Variants in MAGED1 observed in about 807,000 individuals in gnomAD.
The protein encoded by MAGED1 is melanoma-associated antigen D1.
Under a neutral mutation model 54.1 loss-of-function variants are expected in MAGED1, and 3 were observed. The ratio of observed to expected loss-of-function variants is 0.06; its 90% CI spans 0.03 to 0.14. The LOEUF is 0.14. Among genes scored for constraint, MAGED1 ranks in the 10% least tolerant of loss-of-function variants. The probability of loss-of-function intolerance (pLI) is 1.00; values close to 1 mark genes in which losing one functional copy is unlikely to be tolerated. For synonymous variants in MAGED1, 217 were observed against 227.3 expected (o/e 0.95, Z 0.41); for missense variants, 485 against 623.4 (o/e 0.78, Z 2.36).
intron 1 of MAGED1, among the ~76,000 whole-genome samples, chrX:51,860,226 C>A (rs1169360360): frequency 9.0e-6 from 1 of 111,258 alleles, no homozygotes; most frequent in Admixed American, 9.5e-5. Flanking sequence ...GATCACGCCA[C>A]TGCACTCCAG....
At position 51,862,322 on chromosome X, in the gene MAGED1, G is replaced by T. The variant is rs1557360756; in HGVS notation, c.-36-31947G>T. Reference sequence around the variant, plus strand: ...CTGTTTTTCCAGTGCCTAAAATAGTGCCTGATACATGATAGACATTTATTT... The same window carrying T: ...CTGTTTTTCCAGTGCCTAAAATAGTTCCTGATACATGATAGACATTTATTT... On this transcript the variant is annotated intron_variant, in intron 1 of 12. Coordinates refer to the MAGED1 transcript ENST00000375772. Among the ~76,000 whole-genome samples, 3 of 110,764 alleles carry T rather than the reference G, an allele frequency of 2.7e-5. No individual in the cohort carries two copies. The East Asian group carries it at 8.5e-4, about 31-fold the overall frequency.
intron 1 of MAGED1, among the ~76,000 whole-genome samples, chrX:51,855,854 C>T (rs1490477606): frequency 8.9e-6 from 1 of 111,761 alleles, no homozygotes; most frequent in Non-Finnish European, 1.9e-5. Context: ...GGACACCAGG[C>T]ATGTTGGATT....
intron 1 of MAGED1, among the ~76,000 whole-genome samples, chrX:51,805,328 G>C (rs184464693): frequency 2.3e-4 from 26 of 111,373 alleles, no homozygotes; most frequent in African/African-American, 7.8e-4. Flanking sequence ...TCTAAGGTCA[G>C]TATTATCATT....
intron 1 of MAGED1, among the ~76,000 whole-genome samples, chrX:51,812,168 A>G (rs1925241836): frequency 9.1e-6 from 1 of 109,706 alleles, no homozygotes; most frequent in South Asian, 3.9e-4. Flanking sequence ...AACTTAAAGT[A>G]TAATAATAAA....
At chrX:51,838,321 G>C (rs1926328434) in intron 1 of MAGED1, among the ~76,000 whole-genome samples, 1 of 112,564 alleles carries the variant, frequency 8.9e-6, no homozygotes, top group Non-Finnish European at 1.9e-5. Context: ...TTCTGGAGAA[G>C]TTTAAGAAAC....
At chrX:51,816,636 ACT>A (rs1462094126) in intron 1 of MAGED1, among the ~76,000 whole-genome samples, 15 of 110,670 alleles carry the variant, frequency 1.4e-4, no homozygotes, top group Admixed American at 1.3e-3. Flanking sequence ...GTGTAAGTAC[ACT>A]CTGTGATATT....
chrX:51,836,876 G>A (rs1341394550), intron 1 of MAGED1, among the ~76,000 whole-genome samples: 1 of 111,544 alleles, frequency 9.0e-6, no homozygotes, highest in Non-Finnish European at 1.9e-5. Flanking sequence ...GCCTGGCAAT[G>A]TATACGCTGT....
Position 51,896,365 on chromosome X carries a change from C to T in MAGED1, c.754-44C>T, listed in dbSNP as rs781914076. 8 of 1,103,775 alleles carry T rather than the reference C, an allele frequency of 7.2e-6. No individual in the cohort carries two copies. In the Admixed American group the frequency reaches 1.6e-4, roughly 22 times the overall value. 91.0% of individuals were successfully genotyped at this position (1,103,775 alleles called of 1,213,427 possible). A position where few individuals can be genotyped will look rare whatever the true frequency, so the allele number is the denominator to read the frequency against. On this transcript the variant is annotated intron_variant, in intron 3 of 12. Coordinates refer to ENST00000326587, the MANE Select transcript of MAGED1 (RefSeq NM_006986.4). ...ATTCCTGGAATAGATAAGGTGAGGACACAGAACCCACTGGTGATTCTGAAC... is the reference window on the plus strand; with the variant it reads ...ATTCCTGGAATAGATAAGGTGAGGATACAGAACCCACTGGTGATTCTGAAC...
rs181892454 is a variant in MAGED1 at position 51,844,813 on chromosome X, G to C, written c.-37+41696G>C. 1.7e-4 allele frequency among the ~76,000 whole-genome samples: 19 copies of C among 111,798 alleles called. No individual in the cohort carries two copies. The Admixed American group carries it at 1.8e-3, about 11-fold the overall frequency. ...TGAGACATACACAAGAGACCCACAA[G>C]GCATTTTAGAAGGTTGTAGCAGCAG... On this transcript the variant is annotated intron_variant, in intron 1 of 12. Transcript: ENST00000375772.
chrX:51,856,079 T>C (rs781957111), intron 1 of MAGED1, among the ~76,000 whole-genome samples: 1 of 112,445 alleles, frequency 8.9e-6, no homozygotes, highest in African/African-American at 3.2e-5. Context: ...AATTCCCACT[T>C]GTCGATAACA....
intron 1 of MAGED1, among the ~76,000 whole-genome samples, chrX:51,868,822 A>G (rs1346536516): frequency 9.0e-6 from 1 of 111,081 alleles, no homozygotes; most frequent in African/African-American, 3.3e-5. Context: ...AGGCTGGTGT[A>G]TGTCTGTGTG....
intron 3 of MAGED1, 96 bp downstream of exon 3, chrX:51,895,856 A>G (rs1235252371): frequency 1.2e-5 from 8 of 683,615 alleles, no homozygotes; most frequent in Non-Finnish European, 1.7e-5. Flanking sequence ...ATGTAACTGT[A>G]TTCAGCTAGG....
chrX:51,868,731 G>A (rs992017928), intron 1 of MAGED1, among the ~76,000 whole-genome samples: 2 of 111,314 alleles, frequency 1.8e-5, no homozygotes, highest in Non-Finnish European at 3.8e-5. Context: ...AAATGTGGAT[G>A]GGACATGTTG....
At chrX:51,832,096 G>A (rs782482209) in intron 1 of MAGED1, among the ~76,000 whole-genome samples, 1 of 110,990 alleles carries the variant, frequency 9.0e-6, no homozygotes, top group Non-Finnish European at 1.9e-5. Flanking sequence ...GCAGTGGTGC[G>A]CAGGCGGTTC....
chrX:51,811,055 TTA>T (rs1363158860), intron 1 of MAGED1, among the ~76,000 whole-genome samples: 6 of 112,356 alleles, frequency 5.3e-5, no homozygotes, highest in Non-Finnish European at 9.4e-5. Context: ...ATCATATTTT[TTA>T]GTTATTTCAT....
chrX:51,826,035 C>T (rs1207507465), intron 1 of MAGED1, among the ~76,000 whole-genome samples: 8 of 112,443 alleles, frequency 7.1e-5, no homozygotes, highest in African/African-American at 2.6e-4. Flanking sequence ...CACTGCTAAA[C>T]AGCTGAGCCA....
intron 1 of MAGED1, among the ~76,000 whole-genome samples, chrX:51,885,100 G>C (rs1281849894): frequency 8.9e-6 from 1 of 112,032 alleles, no homozygotes; most frequent in Non-Finnish European, 1.9e-5. Context: ...GTATTGGGTT[G>C]CTGGATCATA....
intron 1 of MAGED1, among the ~76,000 whole-genome samples, chrX:51,844,016 A>G (rs1382901953): frequency 1.8e-5 from 2 of 112,056 alleles, no homozygotes; most frequent in Non-Finnish European, 3.8e-5. Context: ...TCAGCTTGTT[A>G]AAAATACAGA....
intron 1 of MAGED1, among the ~76,000 whole-genome samples, chrX:51,837,447 T>C (rs782596141): frequency 8.9e-6 from 1 of 112,077 alleles, no homozygotes; most frequent in Admixed American, 9.5e-5. Flanking sequence ...AAAGGGATGA[T>C]AGCAGTGATT....
Sources: gnomAD v4.1 joint callset for allele counts (sites outside exome capture counted in the v4.1 genomes callset) on GRCh38, gnomAD v4.1.1 for gene constraint, MANE v1.5 for transcripts, NCBI Gene and HGNC (gene_info 2026-07-23, HGNC 2026-07-21) for gene names.